Variants in DYRK1A observed in about 807,000 individuals in gnomAD.
DYRK1A encodes dual specificity tyrosine-phosphorylation-regulated kinase 1A.
In DYRK1A, 9 loss-of-function variants were observed where a neutral mutation model predicts 79.7. The observed-to-expected ratio is 0.11, with a 90% CI of 0.07 to 0.20. The LOEUF is 0.20. DYRK1A is among the 10% of genes least tolerant of loss of function. The pLI is 1.00. For synonymous variants in DYRK1A, 349 were observed against 329.7 expected (o/e 1.06, Z -0.63); for missense variants, 622 against 956.0 (o/e 0.65, Z 4.61).
At chr21:37,461,322 T>TA (rs1354730298) in intron 2 of DYRK1A, among the ~76,000 whole-genome samples, 3 of 152,368 alleles carry the variant, frequency 2.0e-5, no homozygotes, top group East Asian at 1.9e-4. Flanking sequence ...ACCGAATACT[T>TA]ACATTTATTT....
intron 1 of DYRK1A, among the ~76,000 whole-genome samples, chr21:37,412,341 G>T (rs1001715893): frequency 2.6e-5 from 4 of 152,226 alleles, no homozygotes; most frequent in African/African-American, 4.8e-5. Context: ...AAAAGTATGT[G>T]TAGCAGCTTT....
chr21:37,380,396 A>G (rs1324492629), intron 1 of DYRK1A, among the ~76,000 whole-genome samples: 1 of 151,898 alleles, frequency 6.6e-6, no homozygotes, highest in Non-Finnish European at 1.5e-5. Flanking sequence ...TTTACAGTTT[A>G]ATTTTTTTTT....
intron 1 of DYRK1A, among the ~76,000 whole-genome samples, chr21:37,382,835 G>A (rs1012027657): frequency 6.6e-6 from 1 of 152,096 alleles, no homozygotes; most frequent in Non-Finnish European, 1.5e-5. Flanking sequence ...GTTAAGTGCC[G>A]TAAAGTTGAA....
intron 6 of DYRK1A, chr21:37,488,756 A>G (rs2052967678): frequency 2.0e-6 from 2 of 985,260 alleles, no homozygotes; most frequent in Non-Finnish European, 2.4e-6. Context: ...TTCTTAAAGG[A>G]ATTTTTATAA....
intron 5 of DYRK1A, chr21:37,481,350 C>A (rs778099415): frequency 1.3e-5 from 2 of 152,098 alleles, no homozygotes; most frequent in African/African-American, 4.8e-5. Flanking sequence ...TTGTATCAGT[C>A]GCACCAATAC....
At position 37,490,321 on chromosome 21, in the gene DYRK1A, A is replaced by G; in HGVS notation, c.784A>G (p.Thr262Ala). 3 of 1,613,810 alleles carry G rather than the reference A, an allele frequency of 1.9e-6. No individual in the cohort carries two copies. The highest frequency in any genetic ancestry group is 2.5e-6 in the Non-Finnish European group (3 of 1,179,784). Residue 262 changes from threonine (T) to alanine (A), a missense_variant, in exon 7 of 12, where the codon ACT (threonine) becomes GCT (alanine). By Grantham distance (58) the Thr-to-Ala change is moderately conservative. Around this residue, in one of 5 missense-constraint regions of DYRK1A, gnomAD observed 138 missense variants for 346.4 expected, o/e 0.40. Coordinates refer to ENST00000647188, the MANE Select transcript of DYRK1A (RefSeq NM_001347721.2). ...LTRKFAQQMCTALLFLATPEL... is the reference protein window; with the variant it reads ...LTRKFAQQMCAALLFLATPEL... ...ACGAAAGTTTGCGCAACAGATGTGC[A>G]CTGCACTGCTTTTCCTTGCGACTCC...
chr21:37,483,088 G>A (rs1469860939), intron 5 of DYRK1A, among the ~76,000 whole-genome samples: 3 of 152,102 alleles, frequency 2.0e-5, no homozygotes, highest in Non-Finnish European at 4.4e-5. Flanking sequence ...CGAAAATGAA[G>A]GGATTAAGAG....
intron 2 of DYRK1A, chr21:37,430,405 G>C: frequency 7.1e-6 from 7 of 985,190 alleles, no homozygotes; most frequent in Non-Finnish European, 8.4e-6. Context: ...ATTGAGGTCT[G>C]GTACATTTTA....
intron 2 of DYRK1A, among the ~76,000 whole-genome samples, chr21:37,462,158 T>A (rs1049786496): frequency 7.9e-5 from 12 of 152,108 alleles, no homozygotes; most frequent in Non-Finnish European, 1.8e-4. Context: ...CATTTCTGAG[T>A]CTTAAATGGA....
chr21:37,478,073 A>G (rs558282566), intron 3 of DYRK1A, 135 bp from the exon 4 acceptor site: 35 of 1,169,672 alleles, frequency 3.0e-5, no homozygotes, highest in Non-Finnish European at 4.1e-5. Context: ...GAGAGAATGT[A>G]TAATCATCTA....
intron 2 of DYRK1A, among the ~76,000 whole-genome samples, chr21:37,433,044 A>AAAAT (rs372461775): frequency 0.08 from 11,187 of 140,302 alleles, 549 homozygotes; most frequent in African/African-American, 0.13. Flanking sequence ...AGGAATTCTA[A>AAAAT]ATATATATAT....
intron 1 of DYRK1A, among the ~76,000 whole-genome samples, chr21:37,382,691 A>G (rs983122216): frequency 6.6e-6 from 1 of 152,234 alleles, no homozygotes; most frequent in Non-Finnish European, 1.5e-5. Flanking sequence ...AATAGCTACT[A>G]TTAATCAGTT....
intron 3 of DYRK1A, among the ~76,000 whole-genome samples, chr21:37,475,695 T>C (rs1426413036): frequency 2.0e-4 from 30 of 152,222 alleles, no homozygotes; most frequent in Admixed American, 2.0e-3. Context: ...AGCAACATTT[T>C]GTGAAGTGCT....
In DYRK1A at chr21:37,512,465, G is replaced by A; in HGVS notation, c.2199G>A (p.Gly733=). 1 of 1,614,220 alleles carries A rather than the reference G, an allele frequency of 6.2e-7. No individual in the cohort carries two copies. Among genetic ancestry groups the A allele is most frequent in the Admixed American group, 1.7e-5 (1 of 60,036 alleles). ...MTEGHLTMRQ[G]ADREESPMTG... ...AAGGACATCTGACAATGAGGCAAGG[G>A]GCTGATAGAGAAGAGTCCCCCATGA... The change falls in exon 12 of 12, where the codon GGG becomes GGA. Residue 733 remains glycine (G), a synonymous_variant. Transcript: ENST00000647188.
intron 11 of DYRK1A, 110 bp from the exon 12 acceptor site, chr21:37,511,801 T>C (rs2148661725): frequency 7.7e-7 from 1 of 1,306,162 alleles, no homozygotes; most frequent in Non-Finnish European, 1.1e-6. Flanking sequence ...TCAAAAACCG[T>C]TTCCCCCTGA....
At chr21:37,395,357 G>A (rs1332514915) in intron 1 of DYRK1A, among the ~76,000 whole-genome samples, 1 of 152,152 alleles carries the variant, frequency 6.6e-6, no homozygotes, top group East Asian at 1.9e-4. Flanking sequence ...CGCCCTTCAA[G>A]GGTGTAAGGA....
At chr21:37,493,927 ATTC>A (rs374997436) in intron 8 of DYRK1A, among the ~76,000 whole-genome samples, 1 of 126,196 alleles carries the variant, frequency 7.9e-6, no homozygotes, top group Admixed American at 8.7e-5. Flanking sequence ...CTTCCTTTTA[ATTC>A]TTCTTTTTTT....
At chr21:37,420,826 T>C (rs529090684) in intron 2 of DYRK1A, among the ~76,000 whole-genome samples, 1 of 152,136 alleles carries the variant, frequency 6.6e-6, no homozygotes, top group African/African-American at 2.4e-5. Flanking sequence ...TAAAAAGATA[T>C]GCTCTGGGAT....
intron 9 of DYRK1A, chr21:37,504,865 CAGCCAGGGTG>C (rs1424166224): frequency 6.3e-6 from 1 of 159,832 alleles, no homozygotes; most frequent in Non-Finnish European, 1.4e-5. Context: ...AAGAGGCTCC[CAGCCAGGGTG>C]AGCAGGGGCA....
Sources: allele counts gnomAD v4.1 joint callset (sites outside exome capture counted in the v4.1 genomes callset), GRCh38; gene constraint gnomAD v4.1.1; regional missense constraint gnomAD v4.1.1; transcripts MANE v1.5; gene names NCBI Gene and HGNC (gene_info 2026-07-23, HGNC 2026-07-21).